ZFHX3: variants seen among roughly 807,000 people sequenced by gnomAD.
ZFHX3 encodes zinc finger homeobox 3.
Under a neutral mutation model 279.1 loss-of-function variants are expected in ZFHX3, and 42 were observed. That is an observed-to-expected ratio of 0.15 (90% CI 0.12 to 0.19). ZFHX3 has a LOEUF of 0.19. Among genes scored for constraint, ZFHX3 ranks in the 10% least tolerant of loss-of-function variants. The pLI is 1.00. For missense variants in ZFHX3, 4,981 were observed against 4,754.0 expected (o/e 1.05, Z -1.40); for synonymous variants, 2,293 against 1,957.8 (o/e 1.17, Z -4.52).
rs1429363633 is a variant in ZFHX3, at chr16:72,798,569, G to C, written c.4113C>G (p.Phe1371Leu). The change falls in exon 9 of 10, where the codon TTC becomes TTG. Residue 1371 changes from phenylalanine (F) to leucine (L), a missense_variant. This residue lies in a region of ZFHX3 where 1,751 missense variants were observed against 1,770.0 expected (regional missense o/e 0.99). Coordinates refer to ENST00000268489, the MANE Select transcript of ZFHX3 (RefSeq NM_006885.4). ...GCGTCTGAAGGGCAGCAGAAGTTTTGAAAACCTGGTTGCACCCCTTCTTCC... is the reference window on the plus strand; with the variant it reads ...GCGTCTGAAGGGCAGCAGAAGTTTTCAAAACCTGGTTGCACCCCTTCTTCC... Reference protein sequence around the residue: ...ICWKKGCNQVFKTSAALQTHF... With the variant: ...ICWKKGCNQVLKTSAALQTHF... 6.2e-7 allele frequency: 1 copy of C among 1,614,056 alleles called. No homozygotes were observed.
chr16:73,112,773 G>A (rs1221779141), intron 7 of ZFHX3, among the ~76,000 whole-genome samples: 1 of 143,258 alleles, frequency 7.0e-6, no homozygotes, highest in Non-Finnish European at 1.5e-5. Flanking sequence ...GACTGAGAAA[G>A]GGGAAGGTTA....
At chr16:73,316,284 A>G (rs1284532632) in intron 4 of ZFHX3, among the ~76,000 whole-genome samples, 1 of 152,196 alleles carries the variant, frequency 6.6e-6, no homozygotes, top group African/African-American at 2.4e-5. Context: ...GTCTCTGGCA[A>G]TACAATTTAA....
chr16:72,954,328 C>CTATT (rs1304498271), intron 2 of ZFHX3, among the ~76,000 whole-genome samples: 1 of 152,156 alleles, frequency 6.6e-6, no homozygotes, highest in Non-Finnish European at 1.5e-5. Context: ...CGAGACTGCG[C>CTATT]TATTGCACTC....
chr16:72,820,787 C>A (rs1197292271), intron 5 of ZFHX3, among the ~76,000 whole-genome samples: 2 of 152,102 alleles, frequency 1.3e-5, no homozygotes, highest in East Asian at 3.8e-4. Context: ...GTGAAGACAA[C>A]CAGAGTGGGA....
At chr16:73,812,296 G>A (rs74028494) in intron 1 of ZFHX3, among the ~76,000 whole-genome samples, 2,451 of 152,300 alleles carry the variant, frequency 0.016, 67 homozygotes, top group African/African-American at 0.056. Flanking sequence ...TCTCACTTCC[G>A]CTTTGGGTGT....
chr16:72,976,611 T>A (rs987691393), intron 1 of ZFHX3, among the ~76,000 whole-genome samples: 1 of 152,160 alleles, frequency 6.6e-6, no homozygotes, highest in African/African-American at 2.4e-5. Context: ...AGGACCCCGG[T>A]AGAAATGGAC....
intron 4 of ZFHX3, among the ~76,000 whole-genome samples, chr16:72,843,450 G>A (rs1002939943): frequency 6.7e-6 from 1 of 148,884 alleles, no homozygotes; most frequent in Admixed American, 6.8e-5. Context: ...GACGGAGCTT[G>A]CAGTGAGCCG....
chr16:72,993,318 G>A (rs144324310), intron 1 of ZFHX3, among the ~76,000 whole-genome samples: 2,056 of 152,286 alleles, frequency 0.014, 50 homozygotes, highest in African/African-American at 0.047. Flanking sequence ...CAGGCCATGT[G>A]GTCTATGCTA....
intron 2 of ZFHX3, 128 bp downstream of exon 2, chr16:72,957,299 C>G: frequency 9.2e-7 from 1 of 1,090,044 alleles, no homozygotes; most frequent in Non-Finnish European, 1.3e-6. Flanking sequence ...GTAAGACACT[C>G]CAGTTTACAC....
chr16:73,871,115 CTTAT>C (rs1177002569), intron 1 of ZFHX3, among the ~76,000 whole-genome samples: 1 of 152,164 alleles, frequency 6.6e-6, no homozygotes, highest in Non-Finnish European at 1.5e-5. Context: ...TAATTGTTTA[CTTAT>C]TGACACAAAT....
intron 5 of ZFHX3, among the ~76,000 whole-genome samples, chr16:73,216,295 G>C (rs571596057): frequency 4.2e-4 from 64 of 152,314 alleles, no homozygotes; most frequent in African/African-American, 1.4e-3. Flanking sequence ...TACAGGTCAA[G>C]TCCAAACTCT....
At chr16:72,897,589 T>C (rs1204708198) in intron 3 of ZFHX3, among the ~76,000 whole-genome samples, 1 of 152,038 alleles carries the variant, frequency 6.6e-6, no homozygotes, top group Non-Finnish European at 1.5e-5. Context: ...TATAGGTGCG[T>C]GCCATCATGC....
intron 1 of ZFHX3, among the ~76,000 whole-genome samples, chr16:73,716,765 C>G (rs2053420357): frequency 6.6e-6 from 1 of 152,038 alleles, no homozygotes; most frequent in African/African-American, 2.4e-5. Context: ...TTGTTCGGCT[C>G]CTTTGGGAGG....
At chr16:73,439,715 G>C (rs141824299) in intron 3 of ZFHX3, among the ~76,000 whole-genome samples, 368 of 151,862 alleles carry the variant, frequency 2.4e-3, no homozygotes, top group African/African-American at 8.2e-3. Context: ...AAGATGTTTT[G>C]CTGATCTGCT....
At chr16:73,136,583 G>C (rs1382132792) in intron 6 of ZFHX3, among the ~76,000 whole-genome samples, 1 of 151,662 alleles carries the variant, frequency 6.6e-6, no homozygotes, top group Non-Finnish European at 1.5e-5. Context: ...AAATTAGTCA[G>C]GCATGGTGGT....
At chr16:73,778,525 G>A (rs1019500354) in intron 1 of ZFHX3, among the ~76,000 whole-genome samples, 3 of 152,150 alleles carry the variant, frequency 2.0e-5, no homozygotes, top group Non-Finnish European at 4.4e-5. Flanking sequence ...TATGTATTAA[G>A]CTGCTGTTTT....
intron 2 of ZFHX3, among the ~76,000 whole-genome samples, chr16:73,506,857 C>T (rs982153788): frequency 1.3e-5 from 2 of 152,184 alleles, no homozygotes; most frequent in Non-Finnish European, 2.9e-5. Context: ...ATGCATACTG[C>T]TTGAGAGAGC....
intron 7 of ZFHX3, 57 bp from the exon 8 acceptor site, chr16:72,800,186 A>T: frequency 1.4e-6 from 2 of 1,463,610 alleles, no homozygotes; most frequent in Non-Finnish European, 1.9e-6. Context: ...AAAATAGGAA[A>T]TGTTTAAAAA....
At chr16:73,519,931 A>G (rs1316405932) in intron 2 of ZFHX3, among the ~76,000 whole-genome samples, 1 of 152,204 alleles carries the variant, frequency 6.6e-6, no homozygotes, top group East Asian at 1.9e-4. Flanking sequence ...CTAGCAGTGT[A>G]ATTGGAGTGA....
Sources: gnomAD v4.1 joint callset for allele counts (sites outside exome capture counted in the v4.1 genomes callset) on GRCh38, gnomAD v4.1.1 for gene constraint, gnomAD v4.1.1 regional missense constraint, MANE v1.5 for transcripts, NCBI Gene and HGNC (gene_info 2026-07-23, HGNC 2026-07-21) for gene names.